Variants in GRIN2A observed in about 807,000 individuals in gnomAD.
The protein encoded by GRIN2A is glutamate ionotropic receptor NMDA type subunit 2A, also known as glutamate receptor ionotropic, NMDA 2A.
In GRIN2A, 22 loss-of-function variants were observed where a neutral mutation model predicts 113.4. The observed-to-expected ratio is 0.19, with a 90% CI of 0.14 to 0.28. The LOEUF is 0.28. Ranked by LOEUF, GRIN2A falls within the 10% of genes least tolerant of loss-of-function variation. GRIN2A has a pLI of 1.00. For synonymous variants in GRIN2A, 827 were observed against 738.4 expected, an observed-to-expected ratio of 1.12 and a Z score of -1.94; for missense variants, 1,502 against 1,887.0, an observed-to-expected ratio of 0.80 and a Z score of 3.78.
intron 2 of GRIN2A, among the ~76,000 whole-genome samples, chr16:10,066,519 A>C (rs2047652017): frequency 6.6e-6 from 1 of 152,218 alleles, no homozygotes; most frequent in African/African-American, 2.4e-5. Flanking sequence ...CAACAGGGAC[A>C]AAACTATGGG....
chr16:10,100,581 C>T (rs138855016), intron 2 of GRIN2A, among the ~76,000 whole-genome samples: 15 of 152,296 alleles, frequency 9.8e-5, no homozygotes, highest in African/African-American at 2.9e-4. Context: ...ATTCAATAAA[C>T]GATAGTCGTT....
At chr16:9,958,873 C>T (rs1212956863) in intron 2 of GRIN2A, among the ~76,000 whole-genome samples, 1 of 152,136 alleles carries the variant, frequency 6.6e-6, no homozygotes, top group Non-Finnish European at 1.5e-5. Context: ...CTGATACATC[C>T]CTTGTGCTGG....
At position 9,938,172 on chromosome 16, in the gene GRIN2A, G is replaced by A. The variant is rs747214620; in HGVS notation, c.794C>T (p.Thr265Met). 5 of 1,614,038 alleles carry A rather than the reference G, an allele frequency of 3.1e-6. No homozygotes were observed. Among genetic ancestry groups the A allele is most frequent in the South Asian group, 2.2e-5 (2 of 91,084 alleles). The change falls in exon 3 of 13, where the codon ACG (threonine) becomes ATG (methionine). Residue 265 changes from threonine (T) to methionine (M), a missense_variant. By Grantham distance (81) the Thr-to-Met change is moderately conservative (BLOSUM62 -1). Transcript: ENST00000330684. ...TGGAAACTCTTTTGGGATGAGCTCC[G>A]TGTTCCCAGAGACCAAGCTGGGGAC... ...WIVPSLVSGNTELIPKEFPSG... is the reference protein window; with the variant it reads ...WIVPSLVSGNMELIPKEFPSG...
chr16:9,891,267 C>T (rs929677594), intron 3 of GRIN2A, among the ~76,000 whole-genome samples, 167 bp from the exon 4 acceptor site: 1 of 152,142 alleles, frequency 6.6e-6, no homozygotes, highest in South Asian at 2.1e-4. Flanking sequence ...GCAACCATTG[C>T]TAGTTGACCA....
chr16:9,785,495 C>T (rs908592642), intron 11 of GRIN2A, among the ~76,000 whole-genome samples: 9 of 151,192 alleles, frequency 6.0e-5, no homozygotes, highest in Non-Finnish European at 7.4e-5. Context: ...TGTTAAATGA[C>T]GAGTTAATGG....
At chr16:9,977,065 A>G (rs2141759360) in intron 2 of GRIN2A, among the ~76,000 whole-genome samples, 1 of 152,216 alleles carries the variant, frequency 6.6e-6, no homozygotes, top group East Asian at 1.9e-4. Context: ...ATAGTGATTA[A>G]TCTCTCACCA....
chr16:9,954,241 TTTCAC>T (rs1294285698), intron 2 of GRIN2A, among the ~76,000 whole-genome samples: 1 of 152,168 alleles, frequency 6.6e-6, no homozygotes, highest in East Asian at 1.9e-4. Flanking sequence ...TTCCTTAGTT[TTTCAC>T]CCCGGACATC....
At chr16:9,856,900 T>G (rs952364645) in intron 4 of GRIN2A, among the ~76,000 whole-genome samples, 12 of 151,974 alleles carry the variant, frequency 7.9e-5, no homozygotes, top group Admixed American at 7.2e-4. Flanking sequence ...AAAAAAAGAC[T>G]AACTTTACAA....
chr16:9,832,177 A>G (rs2042508973), intron 8 of GRIN2A, among the ~76,000 whole-genome samples: 1 of 151,420 alleles, frequency 6.6e-6, no homozygotes, highest in African/African-American at 2.4e-5. Context: ...GCTGGTCTCA[A>G]ACTCCTGACC....
chr16:10,093,205 G>C (rs1277694686), intron 2 of GRIN2A, among the ~76,000 whole-genome samples: 3 of 152,180 alleles, frequency 2.0e-5, no homozygotes, highest in Non-Finnish European at 4.4e-5. Flanking sequence ...CAGCACTGCA[G>C]GCAGGGTCCG....
rs372830676 is a variant in GRIN2A, at chr16:10,132,907, C to T, written c.414+47091G>A. On this transcript the variant is annotated intron_variant, in intron 2 of 12. Coordinates refer to ENST00000330684, the MANE Select transcript of GRIN2A (RefSeq NM_001134407.3). ...AATGGACCAGCAGGCCTTCCTAGTG[C>T]TTCCTTCTAAGGCTTTAGAGGAGAA... 5.9e-5 allele frequency among the ~76,000 whole-genome samples: 9 copies of T among 152,308 alleles called. No homozygotes were observed. The East Asian group carries it at 1.4e-3, about 23-fold the overall frequency.
At chr16:9,988,310 A>T (rs1013273600) in intron 2 of GRIN2A, among the ~76,000 whole-genome samples, 4 of 109,638 alleles carry the variant, frequency 3.6e-5, no homozygotes, top group African/African-American at 9.8e-5. Flanking sequence ...TGTGTGTGTG[A>T]CACAGAAAGA....
chr16:9,833,424 G>T (rs916134257), intron 8 of GRIN2A, among the ~76,000 whole-genome samples: 1 of 152,096 alleles, frequency 6.6e-6, no homozygotes, highest in Non-Finnish European at 1.5e-5. Context: ...TCTTAAACTA[G>T]ATTTTATAAA....
At chr16:9,962,334 A>C (rs985258724) in intron 2 of GRIN2A, among the ~76,000 whole-genome samples, 5 of 152,154 alleles carry the variant, frequency 3.3e-5, no homozygotes, top group African/African-American at 1.2e-4. Context: ...CAACCTACAG[A>C]ATGGGAGAAA....
chr16:9,839,021 C>A (rs1020584570), intron 7 of GRIN2A, among the ~76,000 whole-genome samples: 1 of 152,108 alleles, frequency 6.6e-6, no homozygotes, highest in Non-Finnish European at 1.5e-5. Flanking sequence ...GTCCATATAA[C>A]CAAAAATCAC....
At chr16:10,059,470 G>A (rs959289349) in intron 2 of GRIN2A, among the ~76,000 whole-genome samples, 2 of 152,158 alleles carry the variant, frequency 1.3e-5, no homozygotes, top group Admixed American at 6.5e-5. Context: ...TCAGGGCCAT[G>A]CAAGTGCAGG....
intron 4 of GRIN2A, among the ~76,000 whole-genome samples, chr16:9,877,251 G>T (rs1314273829): frequency 6.6e-6 from 1 of 152,194 alleles, no homozygotes; most frequent in Non-Finnish European, 1.5e-5. Flanking sequence ...ATACTGTAAG[G>T]TTTGGTATAG....
chr16:10,002,605 C>A (rs760120400), intron 2 of GRIN2A, among the ~76,000 whole-genome samples: 1 of 152,124 alleles, frequency 6.6e-6, no homozygotes, highest in Admixed American at 6.5e-5. Context: ...ACGCAGGCAA[C>A]AAAATTGAGC....
chr16:9,924,486 T>G (rs901766738), intron 3 of GRIN2A, among the ~76,000 whole-genome samples: 1 of 152,210 alleles, frequency 6.6e-6, no homozygotes, highest in Non-Finnish European at 1.5e-5. Context: ...GTATATCTTT[T>G]TAGCTGATAT....
Sources: gnomAD v4.1 joint callset for allele counts (sites outside exome capture counted in the v4.1 genomes callset) on GRCh38, gnomAD v4.1.1 for gene constraint, MANE v1.5 for transcripts, NCBI Gene and HGNC (gene_info 2026-07-23, HGNC 2026-07-21) for gene names.